FBN2: variants seen among roughly 807,000 people sequenced by gnomAD.
The protein encoded by FBN2 is fibrillin-2.
A neutral mutation model predicts 355.6 loss-of-function variants in FBN2; 105 were observed. The observed-to-expected ratio is 0.30, with a 90% CI of 0.25 to 0.35. The LOEUF is 0.35. Ranked by LOEUF, FBN2 falls within the 10% of genes least tolerant of loss-of-function variation. FBN2 has a pLI of 1.00. For missense variants in FBN2, 3,280 were observed against 3,758.7 expected (o/e 0.87, Z 3.33); for synonymous variants, 1,350 against 1,301.2 (o/e 1.04, Z -0.81).
At position 128,446,671 on chromosome 5, in the gene FBN2, A is replaced by G. The variant is rs375463859; in HGVS notation, c.827-65T>C. ...TTTCAGAATATCTATACTTTTTTTT[A>G]CTATAAAAACTTTATATAAACATTC... is the stretch of plus-strand genomic sequence containing the variant. On this transcript the variant is annotated intron_variant, in intron 6 of 64. Coordinates refer to ENST00000262464, the MANE Select transcript of FBN2 (RefSeq NM_001999.4). The G allele has an allele frequency of 2.0e-5, 31 of 1,538,100 alleles. No homozygotes were observed. In the Admixed American group the frequency reaches 2.2e-4, roughly 11 times the overall value.
At position 128,305,525 on chromosome 5, in the gene FBN2, T is replaced by A. The variant is rs745759959; in HGVS notation, c.5660A>T (p.Asn1887Ile). ...ECAAGFKLSP[N>I]GACVDRNECL... ...CTCTTTCTTACCTACACAGGCCCCA[T>A]TGGGTGAAAGTTTGAAACCCGCGGC... Residue 1887 changes from asparagine to isoleucine, a missense_variant, in exon 44 of 65, where the codon AAT becomes ATT. Physicochemically the swap from Asn to Ile is moderately radical, Grantham distance 149 (BLOSUM62 -3). Coordinates refer to ENST00000262464, the MANE Select transcript of FBN2 (RefSeq NM_001999.4). 1 of 1,614,100 alleles carries A rather than the reference T, an allele frequency of 6.2e-7. No individual in the cohort carries two copies.
At chr5:128,495,066 C>T (rs1755619745) in intron 5 of FBN2, among the ~76,000 whole-genome samples, 1 of 151,908 alleles carries the variant, frequency 6.6e-6, no homozygotes, top group African/African-American at 2.4e-5. Flanking sequence ...GACAATGTCT[C>T]GTCAAAGTGA....
intron 4 of FBN2, among the ~76,000 whole-genome samples, chr5:128,527,539 C>T (rs1159809772): frequency 6.7e-6 from 1 of 150,302 alleles, no homozygotes; most frequent in Non-Finnish European, 1.5e-5. Flanking sequence ...AAAACTTGCT[C>T]TTTTTTTTTC....
At chr5:128,474,221 C>T (rs970004792) in intron 5 of FBN2, among the ~76,000 whole-genome samples, 4 of 152,130 alleles carry the variant, frequency 2.6e-5, no homozygotes, top group African/African-American at 9.7e-5. Flanking sequence ...AGATTAAAAA[C>T]TAGTAAGATT....
At position 128,335,535 on chromosome 5, in the gene FBN2, T is replaced by C. The variant is rs139052603; in HGVS notation, c.3767A>G (p.Gln1256Arg). ...CMIMNGGCDT[Q>R]CTNSEGSYEC... ...GTAGCTTCCCTCTGAATTTGTGCAC[T>C]GGGTGTCACAGCCTCCGTTCATTAT... is the stretch of plus-strand genomic sequence containing the variant. Residue 1256 changes from glutamine to arginine, a missense_variant, in exon 29 of 65, where the codon CAG becomes CGG. Transcript: ENST00000262464. 397 of 1,612,966 alleles carry C rather than the reference T, an allele frequency of 2.5e-4. 1 individual carries two copies. In the African/African-American group the frequency reaches 3.0e-3, roughly 12 times the overall value.
intron 4 of FBN2, among the ~76,000 whole-genome samples, chr5:128,521,785 C>T (rs887737985): frequency 4.6e-5 from 7 of 152,080 alleles, no homozygotes; most frequent in South Asian, 4.1e-4. Flanking sequence ...GCTTCTCCCA[C>T]GGTTTTCCAA....
At chr5:128,479,250 T>G (rs755731103) in intron 5 of FBN2, among the ~76,000 whole-genome samples, 5 of 152,184 alleles carry the variant, frequency 3.3e-5, no homozygotes, top group African/African-American at 1.2e-4. Flanking sequence ...ATTGTTCTTC[T>G]TTATACCAAA....
chr5:128,352,011 G>A (rs1751380521), intron 20 of FBN2, among the ~76,000 whole-genome samples: 1 of 151,700 alleles, frequency 6.6e-6, no homozygotes. Context: ...TCTACCTTAA[G>A]TCCCTACTAA....
intron 2 of FBN2, among the ~76,000 whole-genome samples, chr5:128,532,780 T>C (rs537056841): frequency 2.0e-4 from 31 of 152,346 alleles, no homozygotes; most frequent in African/African-American, 7.2e-4. Context: ...GTATGGTGGC[T>C]CATGTCTGTA....
In FBN2 at chr5:128,399,370, C is replaced by T. The variant is rs116753353; in HGVS notation, c.1079-4096G>A. The stretch of plus-strand genomic sequence containing the variant: ...CACAATGAAATAATATCTTAGTATA[C>T]TCTGATAAAATAACTGTCAACTTAA... On this transcript the variant is annotated intron_variant, in intron 8 of 64. Transcript: ENST00000262464. Among the ~76,000 whole-genome samples the T allele has an allele frequency of 5.2e-3, 790 of 152,240 alleles. 4 individuals are homozygous for T. Among genetic ancestry groups the T allele is most frequent in the Middle Eastern group, 0.014 (4 of 294 alleles).
At position 128,306,298 on chromosome 5, in the gene FBN2, A is replaced by G. The variant is rs374288361; in HGVS notation, c.5423-350T>C. Among the ~76,000 whole-genome samples, 31 of 152,262 alleles carry G rather than the reference A, an allele frequency of 2.0e-4. 1 individual carries two copies. Among genetic ancestry groups the G allele is most frequent in the African/African-American group, 4.8e-4 (20 of 41,546 alleles). On this transcript the variant is annotated intron_variant, in intron 42 of 64. Coordinates refer to ENST00000262464, the MANE Select transcript of FBN2 (RefSeq NM_001999.4). ...TTCATCATTGTATGTATTTTATTTT[A>G]TCATATATTCATAATGGAGACTTAA... is the stretch of plus-strand genomic sequence containing the variant.
At chr5:128,396,671 T>C (rs6862508) in intron 8 of FBN2, among the ~76,000 whole-genome samples, 33,271 of 152,196 alleles carry the variant, frequency 0.22, 4,535 homozygotes, top group African/African-American at 0.37. Context: ...CAAAGTTGCA[T>C]AGGGATAAAT....
chr5:128,378,251 A>G (rs991234980), intron 12 of FBN2, among the ~76,000 whole-genome samples: 5 of 152,156 alleles, frequency 3.3e-5, no homozygotes, highest in Admixed American at 6.6e-5. Context: ...AACACAATGA[A>G]AACTGCTGGA....
intron 55 of FBN2, among the ~76,000 whole-genome samples, chr5:128,283,659 C>G (rs976063020): frequency 1.6e-4 from 24 of 152,196 alleles, no homozygotes; most frequent in African/African-American, 5.8e-4. Context: ...TTTTCAAACA[C>G]TATCGATTTG....
chr5:128,375,180 C>T lies in FBN2; in HGVS notation c.1973-430G>A, dbSNP rs151155220. ...TGAGGTATGTCTTCTAATTTTCAATCCACTTGAATTTATCAAACGTAACCC... is the reference window on the plus strand; with the variant it reads ...TGAGGTATGTCTTCTAATTTTCAATTCACTTGAATTTATCAAACGTAACCC... On this transcript the variant is annotated intron_variant, in intron 14 of 64. Coordinates refer to ENST00000262464, the MANE Select transcript of FBN2 (RefSeq NM_001999.4). 5.6e-3 allele frequency among the ~76,000 whole-genome samples: 855 copies of T among 152,200 alleles called. 10 individuals are homozygous for T. Among genetic ancestry groups the T allele is most frequent in the African/African-American group, 0.019 (781 of 41,534 alleles).
At chr5:128,456,693 C>T (rs984652506) in intron 6 of FBN2, among the ~76,000 whole-genome samples, 4 of 151,936 alleles carry the variant, frequency 2.6e-5, no homozygotes, top group African/African-American at 7.3e-5. Context: ...CTGCAGCAGC[C>T]CTACAGAAGA....
chr5:128,369,582 C>T (rs933342850), intron 15 of FBN2, among the ~76,000 whole-genome samples: 1 of 152,194 alleles, frequency 6.6e-6, no homozygotes, highest in African/African-American at 2.4e-5. Flanking sequence ...TACACAGTAT[C>T]CATTGTCCGA....
intron 5 of FBN2, among the ~76,000 whole-genome samples, chr5:128,506,712 T>G (rs1390787575): frequency 6.6e-6 from 1 of 152,162 alleles, no homozygotes; most frequent in Non-Finnish European, 1.5e-5. Context: ...CGAGAGTGAC[T>G]ATCCTTGCTT....
intron 62 of FBN2, among the ~76,000 whole-genome samples, chr5:128,265,168 A>T (rs1005225330): frequency 6.6e-6 from 1 of 152,192 alleles, no homozygotes; most frequent in Non-Finnish European, 1.5e-5. Context: ...GAGACTTGGA[A>T]TTCTGCCATA....
Sources: gnomAD v4.1 joint callset for allele counts (sites outside exome capture counted in the v4.1 genomes callset) on GRCh38, gnomAD v4.1.1 for gene constraint, MANE v1.5 for transcripts, NCBI Gene and HGNC (gene_info 2026-07-23, HGNC 2026-07-21) for gene names.